The following PRSS16 variants were observed in gnomAD, a reference collection of about 807,000 sequenced individuals.
PRSS16 encodes thymus-specific serine protease.
A neutral mutation model predicts 61.7 loss-of-function variants in PRSS16; 43 were observed. The observed-to-expected ratio is 0.70, with a 90% confidence interval of 0.55 to 0.90. PRSS16 has a LOEUF of 0.90. PRSS16 is among the 40% of genes least tolerant of loss of function. PRSS16 has a pLI of 0.00. For missense variants in PRSS16, 591 were observed against 659.1 expected (o/e 0.90, Z 1.13); for synonymous variants, 273 against 285.2 (o/e 0.96, Z 0.43).
In PRSS16 at chr6:27,252,886, C is replaced by A. The variant is rs1561774681; in HGVS notation, c.1087C>A (p.Pro363Thr). ...ETVAQLRSTE[P>T]QLSGVGDRQW... ...AGTGGCACAGCTGAGGAGCACAGAA[C>A]CTCAACTGTCTGGTGTGGGTGACCG... Residue 363 changes from proline (P) to threonine (T), a missense_variant, in exon 9 of 12, where the codon CCT (proline) becomes ACT (threonine). Coordinates refer to ENST00000230582, the MANE Select transcript of PRSS16 (RefSeq NM_005865.4). This position sits in a 1 kb window ranked among gnomAD's most constrained non-coding sequence, Gnocchi z 4.2. 6 of 1,614,064 alleles carry A rather than the reference C, an allele frequency of 3.7e-6. 1 individual carries two copies. Among genetic ancestry groups the A allele is most frequent in the East Asian group, 4.5e-5 (2 of 44,892 alleles).
In PRSS16 at chr6:27,255,226, A is replaced by G. The variant is rs754917892; in HGVS notation, c.1477-21A>G. 2 of 1,613,998 alleles carry G rather than the reference A, an allele frequency of 1.2e-6. No homozygotes were observed. The highest frequency in any genetic ancestry group is 1.1e-5 in the South Asian group (1 of 91,056). ...GCTGGTGCTGAAATCTGACTTTCAAATTCTTCCCACCTCCCCACAGAACAT... is the reference window on the plus strand; with the variant it reads ...GCTGGTGCTGAAATCTGACTTTCAAGTTCTTCCCACCTCCCCACAGAACAT... On this transcript the variant is annotated intron_variant, in intron 11 of 11. Coordinates refer to ENST00000230582, the MANE Select transcript of PRSS16 (RefSeq NM_005865.4). This position sits in a 1 kb window ranked among gnomAD's most constrained non-coding sequence, Gnocchi z 4.4.
Position 27,255,719 on chromosome 6 carries a change from T to C in PRSS16, c.*404T>C, listed in dbSNP as rs1043813917. The C allele has an allele frequency of 6.8e-5, 13 of 191,786 alleles. No homozygotes were observed. The highest frequency in any genetic ancestry group is 7.6e-5 in the Non-Finnish European group (7 of 92,074). 11.9% of individuals were successfully genotyped at this position (191,786 alleles called of 1,614,324 possible). A position where few individuals can be genotyped will look rare whatever the true frequency, so the allele number is the denominator to read the frequency against. The stretch of plus-strand genomic sequence containing the variant: ...ACCTGTCCTTGCTTCTCAGTTTCTC[T>C]CACTGTACCCCTTTCCCTCAGTCTC... On this transcript the variant is annotated 3_prime_UTR_variant, in exon 12 of 12. Coordinates refer to ENST00000230582, the MANE Select transcript of PRSS16 (RefSeq NM_005865.4). This position sits in a 1 kb window ranked among gnomAD's most constrained non-coding sequence, Gnocchi z 4.4.
At chr6:27,253,265 T>C (rs1759957789) in intron 9 of PRSS16, 3 of 386,660 alleles carry the variant, frequency 7.8e-6, no homozygotes, top group Middle Eastern at 7.2e-4. Flanking sequence ...CTTGTTTTAG[T>C]TGCTTCCTTC....
intron 10 of PRSS16, 27 bp downstream of exon 10, chr6:27,254,899 C>T: frequency 6.2e-7 from 1 of 1,612,624 alleles, no homozygotes. Context: ...AACCTGGCTG[C>T]TAAGCCTCCA....
In PRSS16 at chr6:27,256,241, C is replaced by T. The variant is rs1760027727; in HGVS notation, c.*926C>T. On this transcript the variant is annotated 3_prime_UTR_variant, in exon 12 of 12. Transcript: ENST00000230582. Reference sequence around the variant, plus strand: ...ACACCCTTCACTCACCATCTTTTCCCACAATCAAATATCACTCCCTGGTAC... The same window carrying T: ...ACACCCTTCACTCACCATCTTTTCCTACAATCAAATATCACTCCCTGGTAC... 1 of 152,702 alleles carries T rather than the reference C, an allele frequency of 6.5e-6. No individual in the cohort carries two copies. Among genetic ancestry groups the T allele is most frequent in the South Asian group, 2.1e-4 (1 of 4,828 alleles). The allele number at this position is 152,702 out of a possible 1,614,324, so 9.5% of individuals were successfully genotyped here. A position where few individuals can be genotyped will look rare whatever the true frequency, so the allele number is the denominator to read the frequency against.
rs557494821 is a variant in PRSS16 at position 27,254,947 on chromosome 6, C to T, written c.1331-39C>T. 6.2e-6 allele frequency: 10 copies of T among 1,612,144 alleles called. No individual in the cohort carries two copies. In the East Asian group the frequency reaches 2.2e-4, roughly 36 times the overall value. ...TCAACATAGCCTCATCCTCTCCCAG[C>T]ACCCATCTACCTAGCCCCATCCTAT... On this transcript the variant is annotated intron_variant, in intron 10 of 11. Transcript: ENST00000230582.
chr6:27,255,165 C>T lies in PRSS16; in HGVS notation c.1476+34C>T, dbSNP rs373978599. 5.0e-6 allele frequency: 8 copies of T among 1,613,910 alleles called. No individual in the cohort carries two copies. The African/African-American group carries it at 1.1e-4, about 22-fold the overall frequency. ...AAAAAGGCTCTGAATCATTTGCATT[C>T]TCATTTGAATAATCACTTGCATGTT... On this transcript the variant is annotated intron_variant, in intron 11 of 11. Transcript: ENST00000230582. The surrounding 1 kb of genome is among the most constrained non-coding windows in gnomAD (Gnocchi z 4.4).
In PRSS16 at chr6:27,248,832, C is replaced by T. The variant is rs376263606; in HGVS notation, c.238-15C>T. 46 of 1,553,312 alleles carry T rather than the reference C, an allele frequency of 3.0e-5. No homozygotes were observed. In the African/African-American group the frequency reaches 4.5e-4, roughly 15 times the overall value. On this transcript the variant is annotated splice_polypyrimidine_tract_variant and intron_variant, in intron 2 of 11. Transcript: ENST00000230582. ...TCTCACAGTGCCATTTCTTCTTCCC[C>T]ATCCCACCTCTCAGCGTTACTGGGT... is the stretch of plus-strand genomic sequence containing the variant.
Position 27,251,229 on chromosome 6 carries a change from A to G in PRSS16, c.682A>G (p.Ser228Gly). 1.2e-6 allele frequency: 2 copies of G among 1,611,758 alleles called. No individual in the cohort carries two copies. The highest frequency in any genetic ancestry group is 1.7e-6 in the Non-Finnish European group (2 of 1,178,502). ...GGTCCGCCCACAGGTGGTATCCCGAAGCCTAATGAGCACCGCGATCGGCGG... is the reference window on the plus strand; with the variant it reads ...GGTCCGCCCACAGGTGGTATCCCGAGGCCTAATGAGCACCGCGATCGGCGG... ...FSEYNDVVSR[S>G]LMSTAIGGSL... The change falls in exon 7 of 12, where the codon AGC becomes GGC. Residue 228 changes from serine to glycine, a missense_variant. Coordinates refer to ENST00000230582, the MANE Select transcript of PRSS16 (RefSeq NM_005865.4). The surrounding 1 kb of genome is among the most constrained non-coding windows in gnomAD (Gnocchi z 5.6).
In PRSS16 at chr6:27,250,046, T is replaced by C. The variant is rs143443260; in HGVS notation, c.468-637T>C. On this transcript the variant is annotated intron_variant, in intron 4 of 11. Transcript: ENST00000230582. ...CCTCATTGGTATCTCTGTCTGTGTC[T>C]GTAACAGTCTGTTTGCCTGTCTCAT... 2.3e-3 allele frequency among the ~76,000 whole-genome samples: 353 copies of C among 152,348 alleles called. 4 individuals are homozygous for C. The highest frequency in any genetic ancestry group is 8.2e-3 in the African/African-American group (342 of 41,584).
rs770740572 is a variant in PRSS16 at position 27,254,758 on chromosome 6, C to A, written c.1216C>A (p.Leu406Ile). 5.0e-6 allele frequency: 8 copies of A among 1,613,968 alleles called. No homozygotes were observed. The East Asian group carries it at 1.6e-4, about 31-fold the overall frequency. ...QLPALPSQLDLCEQVFGLSAL... is the reference protein window; with the variant it reads ...QLPALPSQLDICEQVFGLSAL... ...CCCAGCACTGCCCTCCCAGCTAGAC[C>A]TATGTGAGCAGGTGTTTGGGCTCTC... Residue 406 changes from leucine (L) to isoleucine (I), a missense_variant, in exon 10 of 12, where the codon CTA (leucine) becomes ATA (isoleucine). Coordinates refer to ENST00000230582, the MANE Select transcript of PRSS16 (RefSeq NM_005865.4).
At position 27,251,953 on chromosome 6, in the gene PRSS16, C is replaced by T. The variant is rs34132190; in HGVS notation, c.921C>T (p.Ser307=). 2.9e-4 allele frequency: 473 copies of T among 1,608,682 alleles called. No individual in the cohort carries two copies. The African/African-American group carries it at 5.0e-3, about 17-fold the overall frequency. The change falls in exon 8 of 12, where the codon AGC becomes AGT. Residue 307 remains serine (S), a synonymous_variant. Transcript: ENST00000230582. This position sits in a 1 kb window ranked among gnomAD's most constrained non-coding sequence, Gnocchi z 5.6. The part of the protein sequence containing the change: ...QYDGQTGAPL[S]VRQLCGLLLG... ...ATGGGCAGACGGGAGCGCCGCTAAG[C>T]GTGCGACAGCTCTGCGGACTTCTCC... is the stretch of plus-strand genomic sequence containing the variant.
At chr6:27,248,158 T>C (rs1438536048) in intron 2 of PRSS16, 110 bp downstream of exon 2, 1 of 1,256,258 alleles carries the variant, frequency 8.0e-7, no homozygotes, top group Non-Finnish European at 1.1e-6. Context: ...GTTCTCCCCA[T>C]CCCTCTGCTT....
In PRSS16 at chr6:27,248,123, C is replaced by T; in HGVS notation, c.237+75C>T. 2.7e-6 allele frequency: 4 copies of T among 1,488,788 alleles called. No individual in the cohort carries two copies. In the South Asian group the frequency reaches 4.0e-5, roughly 15 times the overall value. The allele number at this position is 1,488,788 out of a possible 1,614,324, so 92.2% of individuals were successfully genotyped here. ...TCTCCCTCATCTCTTCCTCAGTCTG[C>T]ACTTTTTTCTCTCTCCACACCTCAG... On this transcript the variant is annotated intron_variant, in intron 2 of 11. Transcript: ENST00000230582.
At chr6:27,253,460 C>T (rs1759962545) in intron 9 of PRSS16, 1 of 447,786 alleles carries the variant, frequency 2.2e-6, no homozygotes, top group Admixed American at 2.5e-5. Context: ...CTGTACAATC[C>T]AACTTTTTCA....
intron 5 of PRSS16, 103 bp downstream of exon 5, chr6:27,250,909 C>T: frequency 6.4e-7 from 1 of 1,555,516 alleles, no homozygotes; most frequent in African/African-American, 1.4e-5. Context: ...TACCTTCCTC[C>T]CGCGCCCAAA....
chr6:27,248,161 C>T (rs1322801962), intron 2 of PRSS16, 113 bp downstream of exon 2: 15 of 1,251,570 alleles, frequency 1.2e-5, no homozygotes, highest in Non-Finnish European at 1.5e-5. Flanking sequence ...CTCCCCATCC[C>T]TCTGCTTGAA....
Position 27,252,030 on chromosome 6 carries a change from G to A in PRSS16, c.998G>A (p.Arg333Gln), listed in dbSNP as rs1237249094. The change falls in exon 8 of 12, where the codon CGG (arginine) becomes CAG (glutamine). Residue 333 changes from arginine to glutamine, a missense_variant. Transcript: ENST00000230582. The surrounding 1 kb of genome is among the most constrained non-coding windows in gnomAD (Gnocchi z 4.2). ...TCCACGCCCTACTGCGGGCTTCGTC[G>A]GGCGGTGCAGGTGAGCACTCCCTGG... ...SHSTPYCGLR[R>Q]AVQIVLHSLG... is the part of the protein sequence containing the mutation. 28 of 1,535,766 alleles carry A rather than the reference G, an allele frequency of 1.8e-5. No individual in the cohort carries two copies. Among genetic ancestry groups the A allele is most frequent in the Non-Finnish European group, 2.4e-5 (27 of 1,145,120 alleles).
chr6:27,249,292 C>G, intron 4 of PRSS16, 63 bp downstream of exon 4: 1 of 1,557,734 alleles, frequency 6.4e-7, no homozygotes, highest in East Asian at 2.2e-5. Context: ...TTTGGCATCT[C>G]TGCATCTGTG....
Sources: allele counts gnomAD v4.1 joint callset (sites outside exome capture counted in the v4.1 genomes callset), GRCh38; gene constraint gnomAD v4.1.1; non-coding constraint Gnocchi (gnomAD v3.1); transcripts MANE v1.5; gene names NCBI Gene and HGNC (gene_info 2026-07-23, HGNC 2026-07-21).